PDZRN4: variants seen among roughly 807,000 people sequenced by gnomAD.
PDZRN4 encodes PDZ domain-containing RING finger protein 4.
In PDZRN4, 70 loss-of-function variants were observed where a neutral mutation model predicts 99.0. That is an observed-to-expected ratio of 0.71 (90% confidence interval 0.58 to 0.86). PDZRN4 has a LOEUF of 0.86. Among genes scored for constraint, PDZRN4 ranks in the 40% least tolerant of loss-of-function variants. PDZRN4 has a pLI of 0.00. For missense variants in PDZRN4, 1,474 were observed against 1,331.2 expected (o/e 1.11, Z -1.67); for synonymous variants, 551 against 501.6 (o/e 1.10, Z -1.32).
intron 5 of PDZRN4, among the ~76,000 whole-genome samples, chr12:41,539,584 C>T (rs2120762880): frequency 6.6e-6 from 1 of 152,200 alleles, no homozygotes; most frequent in Non-Finnish European, 1.5e-5. Context: ...AGAAACATTG[C>T]AGGAATAGCC....
intron 4 of PDZRN4, among the ~76,000 whole-genome samples, chr12:41,507,486 C>T (rs542765967): frequency 1.5e-4 from 23 of 152,166 alleles, no homozygotes; most frequent in African/African-American, 4.1e-4. Context: ...TACTCCAATC[C>T]GCTCTCTACT....
intron 5 of PDZRN4, among the ~76,000 whole-genome samples, chr12:41,534,678 T>G (rs939886618): frequency 3.3e-5 from 5 of 152,212 alleles, no homozygotes; most frequent in Non-Finnish European, 5.9e-5. Context: ...TGTCTGAAAA[T>G]ATCTTTACTT....
In PDZRN4 at chr12:41,573,996, C is replaced by T; in HGVS notation, c.*106C>T. ...GCGTTTTTATATATATTTTGTGACT[C>T]TTTATAGTTTAAATTTTTTGTAAGC... On this transcript the variant is annotated 3_prime_UTR_variant, in exon 10 of 10. Transcript: ENST00000402685. 1 of 733,418 alleles carries T rather than the reference C, an allele frequency of 1.4e-6. No individual in the cohort carries two copies. The highest frequency in any genetic ancestry group is 2.8e-5 in the East Asian group (1 of 35,156). The allele number at this position is 733,418 out of a possible 1,614,324, so 45.4% of individuals were successfully genotyped here.
At chr12:41,280,712 G>A (rs544827216) in intron 3 of PDZRN4, among the ~76,000 whole-genome samples, 1 of 152,304 alleles carries the variant, frequency 6.6e-6, no homozygotes, top group Non-Finnish European at 1.5e-5. Flanking sequence ...AGCAGCCCCA[G>A]TCAGGGGCTT....
intron 3 of PDZRN4, among the ~76,000 whole-genome samples, chr12:41,229,521 C>T (rs1333256229): frequency 6.6e-6 from 1 of 152,028 alleles, no homozygotes; most frequent in Non-Finnish European, 1.5e-5. Context: ...ACCCAGACCC[C>T]ACTCCCTCAG....
At chr12:41,206,645 A>T (rs999668473) in intron 3 of PDZRN4, among the ~76,000 whole-genome samples, 1 of 151,796 alleles carries the variant, frequency 6.6e-6, no homozygotes, top group African/African-American at 2.4e-5. Flanking sequence ...TTTAATGAAT[A>T]CATTGGTACT....
At position 41,275,140 on chromosome 12, in the gene PDZRN4, C is replaced by G. The variant is rs1010738366; in HGVS notation, c.843+80952C>G. ...GATCAAACTGATGCCAGAAGCAACT[C>G]TGGAAGGGAGAGTGGATATGCCTAA... On this transcript the variant is annotated intron_variant, in intron 3 of 9. Coordinates refer to ENST00000402685, the MANE Select transcript of PDZRN4 (RefSeq NM_001164595.2). 2.0e-5 allele frequency among the ~76,000 whole-genome samples: 3 copies of G among 152,076 alleles called. No homozygotes were observed. In the South Asian group the frequency reaches 6.2e-4, roughly 32 times the overall value.
chr12:41,519,337 C>G (rs537373520), intron 5 of PDZRN4, among the ~76,000 whole-genome samples: 1 of 152,184 alleles, frequency 6.6e-6, no homozygotes, highest in East Asian at 1.9e-4. Flanking sequence ...GAGATCACCT[C>G]TAATCCTTAA....
At chr12:41,312,982 G>A (rs1351252720) in intron 3 of PDZRN4, among the ~76,000 whole-genome samples, 2 of 152,144 alleles carry the variant, frequency 1.3e-5, no homozygotes, top group African/African-American at 2.4e-5. Flanking sequence ...AGGCATCTCC[G>A]TCTGGATGTC....
intron 3 of PDZRN4, among the ~76,000 whole-genome samples, chr12:41,499,336 T>G (rs925062403): frequency 3.3e-5 from 5 of 152,114 alleles, no homozygotes; most frequent in African/African-American, 1.2e-4. Context: ...AGCAGAAACT[T>G]CCATTTCTTT....
At chr12:41,305,283 TG>T (rs1951561171) in intron 3 of PDZRN4, among the ~76,000 whole-genome samples, 3 of 152,206 alleles carry the variant, frequency 2.0e-5, no homozygotes, top group Non-Finnish European at 4.4e-5. Flanking sequence ...GAAACCTGGA[TG>T]GATGCCATTA....
intron 3 of PDZRN4, among the ~76,000 whole-genome samples, chr12:41,334,651 C>T (rs570650683): frequency 6.6e-6 from 1 of 152,250 alleles, no homozygotes; most frequent in Non-Finnish European, 1.5e-5. Flanking sequence ...ACAGTGGGGA[C>T]ACAATGGATC....
chr12:41,508,208 A>G (rs896707282), intron 4 of PDZRN4, among the ~76,000 whole-genome samples: 1 of 152,144 alleles, frequency 6.6e-6, no homozygotes, highest in Non-Finnish European at 1.5e-5. Context: ...TGACAGGGCC[A>G]GGCTTCTAGG....
intron 3 of PDZRN4, among the ~76,000 whole-genome samples, chr12:41,289,244 G>A (rs970644441): frequency 1.3e-5 from 2 of 152,140 alleles, no homozygotes; most frequent in African/African-American, 4.8e-5. Flanking sequence ...GTGATTTGAT[G>A]CATCCACACA....
chr12:41,447,900 T>A (rs1023954259), intron 3 of PDZRN4, among the ~76,000 whole-genome samples: 1 of 151,582 alleles, frequency 6.6e-6, no homozygotes, highest in Non-Finnish European at 1.5e-5. Context: ...AAGAAAAAAA[T>A]GGAAGAAGGA....
intron 3 of PDZRN4, among the ~76,000 whole-genome samples, chr12:41,351,210 T>C (rs1300129942): frequency 1.3e-5 from 2 of 152,112 alleles, no homozygotes; most frequent in Non-Finnish European, 2.9e-5. Context: ...CATGACATGA[T>C]GTCAGAAATT....
At chr12:41,555,265 G>T (rs1334404707) in intron 6 of PDZRN4, among the ~76,000 whole-genome samples, 1 of 96,934 alleles carries the variant, frequency 1.0e-5, no homozygotes, top group African/African-American at 3.7e-5. Context: ...AAAAAAGGAC[G>T]GACTTACACT....
chr12:41,418,798 T>A (rs1369436231), intron 3 of PDZRN4, among the ~76,000 whole-genome samples: 1 of 152,116 alleles, frequency 6.6e-6, no homozygotes, highest in Non-Finnish European at 1.5e-5. Context: ...GGAAAAGGGT[T>A]TGGCTGGAGA....
At chr12:41,229,223 T>C (rs535291600) in intron 3 of PDZRN4, among the ~76,000 whole-genome samples, 1 of 151,748 alleles carries the variant, frequency 6.6e-6, no homozygotes, top group South Asian at 2.1e-4. Flanking sequence ...CCTGTTTAAC[T>C]TAGTAATGGA....
Sources: allele counts gnomAD v4.1 joint callset (sites outside exome capture counted in the v4.1 genomes callset), GRCh38; gene constraint gnomAD v4.1.1; transcripts MANE v1.5; gene names NCBI Gene and HGNC (gene_info 2026-07-23, HGNC 2026-07-21).